CADM2: variants seen among roughly 807,000 people sequenced by gnomAD.
CADM2 encodes cell adhesion molecule 2, also known as immunoglobulin superfamily member 4D.
Under a neutral mutation model 49.8 loss-of-function variants are expected in CADM2, and 12 were observed. The observed-to-expected ratio is 0.24, with a 90% CI of 0.15 to 0.39. The LOEUF (loss-of-function observed/expected upper bound fraction) is 0.39. CADM2 is among the 10% of genes least tolerant of loss of function. The pLI, the probability that CADM2 is intolerant of heterozygous loss-of-function variation, is 1.00. For synonymous variants in CADM2, 214 were observed against 175.4 expected (o/e 1.22, Z -1.74); for missense variants, 378 against 492.3 (o/e 0.77, Z 2.20).
chr3:85,599,843 G>A (rs2063344634), intron 1 of CADM2, among the ~76,000 whole-genome samples: 1 of 151,778 alleles, frequency 6.6e-6, no homozygotes, highest in South Asian at 2.1e-4. Flanking sequence ...ATCAGTATTT[G>A]AGTCTAATGC....
intron 6 of CADM2, among the ~76,000 whole-genome samples, chr3:85,924,442 A>T (rs1199470363): frequency 6.6e-6 from 1 of 151,862 alleles, no homozygotes; most frequent in Non-Finnish European, 1.5e-5. Flanking sequence ...AATACAAAAT[A>T]ATTAGCCATG....
rs545105592 is a variant in CADM2, at chr3:85,543,068, C to T, written c.62-183454C>T. On this transcript the variant is annotated intron_variant, in intron 1 of 9. Coordinates refer to ENST00000383699, the MANE Select transcript of CADM2 (RefSeq NM_001167675.2). ...TCTAGAGAAATCAAGAACTTGTACA[C>T]ATTTTTCTCCATAAGCTGTGTTACT... 5.3e-5 allele frequency among the ~76,000 whole-genome samples: 8 copies of T among 152,164 alleles called. No homozygotes were observed. The East Asian group carries it at 1.2e-3, about 22-fold the overall frequency.
chr3:85,500,878 C>T (rs2040087851), intron 1 of CADM2, among the ~76,000 whole-genome samples: 2 of 151,678 alleles, frequency 1.3e-5, no homozygotes, highest in South Asian at 4.1e-4. Flanking sequence ...CATGCAGTCA[C>T]TGAAATTTCT....
chr3:85,143,664 A>T (rs889828078), intron 1 of CADM2, among the ~76,000 whole-genome samples: 9 of 152,176 alleles, frequency 5.9e-5, no homozygotes, highest in Non-Finnish European at 8.8e-5. Context: ...TTTCAAGATA[A>T]ATTTAAGGGC....
chr3:85,304,871 T>C (rs1316139901), intron 1 of CADM2, among the ~76,000 whole-genome samples: 2 of 151,788 alleles, frequency 1.3e-5, no homozygotes, highest in African/African-American at 4.8e-5. Flanking sequence ...CATAGTCTTT[T>C]ACTTATGACT....
At chr3:85,361,010 A>G (rs1432782087) in intron 1 of CADM2, among the ~76,000 whole-genome samples, 1 of 152,168 alleles carries the variant, frequency 6.6e-6, no homozygotes, top group Non-Finnish European at 1.5e-5. Flanking sequence ...ATCATTTACA[A>G]TTCTGCATTT....
intron 7 of CADM2, among the ~76,000 whole-genome samples, chr3:85,941,887 T>G (rs1208874852): frequency 6.6e-6 from 1 of 152,030 alleles, no homozygotes; most frequent in East Asian, 1.9e-4. Context: ...TTTTCATAAT[T>G]TTCTCTCATG....
At chr3:85,632,472 G>T (rs895827835) in intron 1 of CADM2, among the ~76,000 whole-genome samples, 3 of 152,130 alleles carry the variant, frequency 2.0e-5, no homozygotes, top group Non-Finnish European at 4.4e-5. Flanking sequence ...GAGCTGTTTT[G>T]TGACCAGATA....
At chr3:85,851,853 T>G (rs2075122767) in intron 3 of CADM2, among the ~76,000 whole-genome samples, 1 of 151,856 alleles carries the variant, frequency 6.6e-6, no homozygotes, top group African/African-American at 2.4e-5. Context: ...CTTGAACAAC[T>G]TAGGTGATGG....
intron 1 of CADM2, among the ~76,000 whole-genome samples, chr3:85,668,809 T>G (rs1052557771): frequency 7.2e-5 from 11 of 152,134 alleles, no homozygotes; most frequent in Admixed American, 6.6e-4. Context: ...ATTCATCTAT[T>G]TGAGTGTAAA....
At position 85,886,353 on chromosome 3, in the gene CADM2, A is replaced by G. The variant is rs767462110; in HGVS notation, c.529+26A>G. ...GTAAAGAATAGAAAAATGAAAATCAAAATTAATGTGCTGAAACCAGTATGA... is the reference window on the plus strand; with the variant it reads ...GTAAAGAATAGAAAAATGAAAATCAGAATTAATGTGCTGAAACCAGTATGA... On this transcript the variant is annotated intron_variant, in intron 5 of 9. Transcript: ENST00000383699. The G allele has an allele frequency of 2.6e-6, 4 of 1,552,168 alleles. No individual in the cohort carries two copies. The East Asian group carries it at 9.0e-5, about 35-fold the overall frequency.
At chr3:85,233,861 A>G (rs1427938443) in intron 1 of CADM2, among the ~76,000 whole-genome samples, 4 of 152,100 alleles carry the variant, frequency 2.6e-5, no homozygotes, top group African/African-American at 9.6e-5. Flanking sequence ...AGTTCAAAGT[A>G]TTGATTCATA....
chr3:85,290,115 A>G (rs1038961508), intron 1 of CADM2, among the ~76,000 whole-genome samples: 2 of 152,242 alleles, frequency 1.3e-5, no homozygotes, highest in African/African-American at 2.4e-5. Context: ...AGGGTGAGGC[A>G]TTGCTTCACT....
intron 3 of CADM2, among the ~76,000 whole-genome samples, chr3:85,821,247 A>G (rs2073544238): frequency 6.6e-6 from 1 of 152,118 alleles, no homozygotes; most frequent in Non-Finnish European, 1.5e-5. Context: ...TCTCTTTTCC[A>G]GGAAGATAGT....
At chr3:84,998,005 G>A (rs76768543) in intron 1 of CADM2, among the ~76,000 whole-genome samples, 1,843 of 152,248 alleles carry the variant, frequency 0.012, 36 homozygotes, top group African/African-American at 0.042. Flanking sequence ...TTACTGGATT[G>A]TGTTGGGTTC....
chr3:85,660,686 T>A (rs1197893113), intron 1 of CADM2, among the ~76,000 whole-genome samples: 1 of 151,978 alleles, frequency 6.6e-6, no homozygotes, highest in African/African-American at 2.4e-5. Flanking sequence ...ATGGGCAAAG[T>A]ATGGGGGAAA....
chr3:85,598,793 C>T (rs555052418), intron 1 of CADM2, among the ~76,000 whole-genome samples: 13 of 151,666 alleles, frequency 8.6e-5, no homozygotes, highest in Non-Finnish European at 1.6e-4. Context: ...TTGCCATTCT[C>T]TATATTTATC....
chr3:85,682,867 G>A (rs1190564337), intron 1 of CADM2, among the ~76,000 whole-genome samples: 1 of 151,702 alleles, frequency 6.6e-6, no homozygotes, highest in African/African-American at 2.4e-5. Context: ...ATTTATTTTT[G>A]TAATTTTCAC....
At chr3:85,559,612 T>C (rs1278945367) in intron 1 of CADM2, among the ~76,000 whole-genome samples, 1 of 151,890 alleles carries the variant, frequency 6.6e-6, no homozygotes, top group African/African-American at 2.4e-5. Flanking sequence ...CATATACAAC[T>C]TTTTAAAAAT....
Sources: gnomAD v4.1 joint callset for allele counts (sites outside exome capture counted in the v4.1 genomes callset) on GRCh38, gnomAD v4.1.1 for gene constraint, MANE v1.5 for transcripts, NCBI Gene and HGNC (gene_info 2026-07-23, HGNC 2026-07-21) for gene names.